The following PCCA variants were observed in gnomAD, a reference collection of about 807,000 sequenced individuals.
PCCA encodes propionyl-CoA carboxylase subunit alpha.
PCCA carries 74 observed loss-of-function variants against 101.3 expected under a neutral mutation model. That is an observed-to-expected ratio of 0.73 (90% confidence interval 0.61 to 0.89). The LOEUF (loss-of-function observed/expected upper bound fraction) is 0.89, where lower values mean the gene tolerates loss of function less well. PCCA is among the 40% of genes least tolerant of loss of function. PCCA has a pLI of 0.00. For missense variants in PCCA, 891 were observed against 907.0 expected (o/e 0.98, Z 0.23); for synonymous variants, 294 against 313.6 (o/e 0.94, Z 0.66).
chr13:100,527,229 AT>A, intron 22 of PCCA: 1 of 461,072 alleles, frequency 2.2e-6, no homozygotes, highest in South Asian at 1.6e-5. Context: ...ATTTTGGAAC[AT>A]TTTTATCACT....
intron 12 of PCCA, among the ~76,000 whole-genome samples, chr13:100,278,812 G>A (rs2063859288): frequency 6.6e-6 from 1 of 152,066 alleles, no homozygotes; most frequent in African/African-American, 2.4e-5. Flanking sequence ...ATTCTATGCA[G>A]TTGGTCAAGA....
chr13:100,205,748 AC>A (rs1005060785), intron 6 of PCCA, among the ~76,000 whole-genome samples: 4 of 152,072 alleles, frequency 2.6e-5, no homozygotes, highest in African/African-American at 9.7e-5. Context: ...TTGCTTGATT[AC>A]ATCTGCCTGG....
chr13:100,498,980 A>G (rs1396549080), intron 21 of PCCA, among the ~76,000 whole-genome samples: 2 of 152,184 alleles, frequency 1.3e-5, no homozygotes, highest in African/African-American at 4.8e-5. Context: ...TCTGGTTCTG[A>G]GAACTTGGCA....
At chr13:100,430,201 G>T (rs997561880) in intron 20 of PCCA, among the ~76,000 whole-genome samples, 1 of 152,084 alleles carries the variant, frequency 6.6e-6, no homozygotes, top group African/African-American at 2.4e-5. Context: ...CTTGAACCCG[G>T]GTTGTGGTGA....
At chr13:100,496,926 C>T (rs575337461) in intron 21 of PCCA, among the ~76,000 whole-genome samples, 5 of 152,164 alleles carry the variant, frequency 3.3e-5, no homozygotes, top group African/African-American at 7.2e-5. Flanking sequence ...GTGTTCAGGT[C>T]GCTACAGTGG....
chr13:100,519,347 G>A (rs911681679), intron 22 of PCCA, among the ~76,000 whole-genome samples: 26 of 152,336 alleles, frequency 1.7e-4, no homozygotes, highest in African/African-American at 5.8e-4. Flanking sequence ...ATTAGACTTC[G>A]GGATATTTTG....
At chr13:100,350,096 A>G (rs2073078518) in intron 18 of PCCA, among the ~76,000 whole-genome samples, 1 of 152,186 alleles carries the variant, frequency 6.6e-6, no homozygotes. Context: ...CCACTGAAAG[A>G]TGAGTGGGGT....
chr13:100,205,434 G>A (rs968870666), intron 6 of PCCA, among the ~76,000 whole-genome samples: 19 of 151,864 alleles, frequency 1.3e-4, no homozygotes, highest in African/African-American at 4.6e-4. Flanking sequence ...TTGATAAAAA[G>A]GAAGTTAAGT....
At chr13:100,344,955 T>G (rs2071965575) in intron 18 of PCCA, among the ~76,000 whole-genome samples, 1 of 152,204 alleles carries the variant, frequency 6.6e-6, no homozygotes, top group African/African-American at 2.4e-5. Context: ...TGTAATTGTT[T>G]TGGGGTGCCA....
At chr13:100,502,500 T>C (rs1404003534) in intron 21 of PCCA, among the ~76,000 whole-genome samples, 1 of 152,230 alleles carries the variant, frequency 6.6e-6, no homozygotes, top group Non-Finnish European at 1.5e-5. Context: ...TGAGTTACTG[T>C]GTAGCATTAT....
intron 6 of PCCA, among the ~76,000 whole-genome samples, chr13:100,207,367 A>G (rs2058923741): frequency 6.6e-6 from 1 of 151,962 alleles, no homozygotes; most frequent in Admixed American, 6.6e-5. Context: ...GAATGATTTC[A>G]TTCACAACTT....
chr13:100,105,940 A>G (rs1355002448), intron 2 of PCCA, among the ~76,000 whole-genome samples: 1 of 150,348 alleles, frequency 6.7e-6, no homozygotes, highest in Non-Finnish European at 1.5e-5. Flanking sequence ...TCGTCAATAT[A>G]TGTTATTGGC....
chr13:100,235,527 T>A (rs1386081721), intron 7 of PCCA, among the ~76,000 whole-genome samples: 4 of 152,192 alleles, frequency 2.6e-5, no homozygotes, highest in Admixed American at 2.0e-4. Context: ...TGATTTATGA[T>A]TCAGTATTGA....
intron 21 of PCCA, among the ~76,000 whole-genome samples, chr13:100,513,276 C>T (rs951856541): frequency 6.6e-6 from 1 of 152,234 alleles, no homozygotes; most frequent in Non-Finnish European, 1.5e-5. Context: ...CAACTATTTG[C>T]ACCAAGGCCT....
chr13:100,320,268 A>C (rs2067875777), intron 16 of PCCA, among the ~76,000 whole-genome samples: 1 of 152,224 alleles, frequency 6.6e-6, no homozygotes, highest in South Asian at 2.1e-4. Flanking sequence ...TGTCATCTGC[A>C]AACAGGGACA....
chr13:100,369,938 T>C (rs1227889969), intron 19 of PCCA, among the ~76,000 whole-genome samples: 1 of 152,134 alleles, frequency 6.6e-6, no homozygotes, highest in Non-Finnish European at 1.5e-5. Context: ...ATGTAGAGTT[T>C]AGCATAATTT....
At chr13:100,291,494 T>C (rs1426202089) in intron 12 of PCCA, among the ~76,000 whole-genome samples, 4 of 152,238 alleles carry the variant, frequency 2.6e-5, no homozygotes, top group Non-Finnish European at 5.9e-5. Flanking sequence ...TACTGCTTTT[T>C]GGGCAAAGTT....
At chr13:100,435,764 C>T (rs2079885357) in intron 20 of PCCA, among the ~76,000 whole-genome samples, 1 of 152,122 alleles carries the variant, frequency 6.6e-6, no homozygotes, top group Non-Finnish European at 1.5e-5. Flanking sequence ...GTATAGGCGG[C>T]CAGGTGTGGT....
rs545987736 is a variant in PCCA, at chr13:100,467,005, G to A, written c.1899+17700G>A. Among the ~76,000 whole-genome samples, 8 of 152,326 alleles carry A rather than the reference G, an allele frequency of 5.3e-5. 1 individual carries two copies. The East Asian group carries it at 7.7e-4, about 15-fold the overall frequency. On this transcript the variant is annotated intron_variant, in intron 21 of 23. Transcript: ENST00000376285. ...GACGATCGTTGCTTGCTGAGTGCCT[G>A]TAGGTACCTAGCACCGTATGTTTGT...
Sources: allele counts gnomAD v4.1 joint callset (sites outside exome capture counted in the v4.1 genomes callset), GRCh38; gene constraint gnomAD v4.1.1; transcripts MANE v1.5; gene names NCBI Gene and HGNC (gene_info 2026-07-23, HGNC 2026-07-21).